The following PTPN13 variants were observed in gnomAD, a reference collection of about 807,000 sequenced individuals.
PTPN13 encodes tyrosine-protein phosphatase non-receptor type 13.
In PTPN13, 191 loss-of-function variants were observed where a neutral mutation model predicts 284.0. The ratio of observed to expected loss-of-function variants is 0.67; its 90% confidence interval spans 0.60 to 0.76. The LOEUF (loss-of-function observed/expected upper bound fraction) is 0.76, where lower values mean the gene tolerates loss of function less well. Ranked by LOEUF, PTPN13 falls within the 30% of genes least tolerant of loss-of-function variation. PTPN13 has a pLI of 0.00. For missense variants in PTPN13, 2,797 were observed against 2,939.9 expected (o/e 0.95, Z 1.12); for synonymous variants, 986 against 1,022.3 (o/e 0.96, Z 0.68).
At chr4:86,765,546 G>T in intron 26 of PTPN13, 58 bp downstream of exon 26, 1 of 1,234,602 alleles carries the variant, frequency 8.1e-7, no homozygotes, top group East Asian at 2.6e-5. Flanking sequence ...AAATAGATAA[G>T]AAATTATAAA....
rs192019302 is a variant in PTPN13, at chr4:86,809,257, T to G, written c.7084-512T>G. On this transcript the variant is annotated intron_variant, in intron 45 of 47. Transcript: ENST00000411767. ...GTTTTTAGGGTTTCCAAAAAGTAGT[T>G]TTTATCGATATTTAAAATGTGGATC... Among the ~76,000 whole-genome samples, 602 of 152,284 alleles carry G rather than the reference T, an allele frequency of 4.0e-3. 10 individuals are homozygous for G. Among genetic ancestry groups the G allele is most frequent in the Admixed American group, 0.034 (527 of 15,302 alleles).
intron 4 of PTPN13, among the ~76,000 whole-genome samples, chr4:86,686,987 T>C (rs565223336): frequency 6.6e-6 from 1 of 152,154 alleles, no homozygotes; most frequent in Non-Finnish European, 1.5e-5. Context: ...ATTCCTAGAA[T>C]TGTAGCAATC....
chr4:86,773,032 T>A, intron 32 of PTPN13, 74 bp downstream of exon 32: 3 of 1,146,804 alleles, frequency 2.6e-6, no homozygotes, highest in Non-Finnish European at 3.5e-6. Flanking sequence ...AGTTTCCCTT[T>A]AGGGAAAAAG....
In PTPN13 at chr4:86,785,335, G is replaced by A. The variant is rs764940015; in HGVS notation, c.6223G>A (p.Glu2075Lys). ...VDEEAQNLLNENNAAGYSCGP... is the reference protein window; with the variant it reads ...VDEEAQNLLNKNNAAGYSCGP... ...TGAGGAAGCCCAGAATCTTTTAAAC[G>A]AAAATAATGCAGCAGGATACTCCTG... The change falls in exon 39 of 48, where the codon GAA becomes AAA. Residue 2075 changes from glutamate to lysine, a missense_variant. Glu to Lys is a moderately conservative substitution (Grantham distance 56). Transcript: ENST00000411767. The A allele has an allele frequency of 8.7e-5, 140 of 1,610,562 alleles. No homozygotes were observed. Among genetic ancestry groups the A allele is most frequent in the Middle Eastern group, 3.3e-4 (2 of 6,078 alleles).
chr4:86,807,119 G>A (rs549887839), intron 44 of PTPN13, among the ~76,000 whole-genome samples: 2 of 152,076 alleles, frequency 1.3e-5, no homozygotes, highest in Non-Finnish European at 2.9e-5. Flanking sequence ...TAGTGTTATT[G>A]TAATACTAAA....
chr4:86,724,981 C>G (rs1734083695), intron 10 of PTPN13, among the ~76,000 whole-genome samples: 1 of 150,788 alleles, frequency 6.6e-6, no homozygotes, highest in African/African-American at 2.5e-5. Flanking sequence ...CCCCACCCCC[C>G]AACAGAACTT....
intron 36 of PTPN13, 89 bp from the exon 37 acceptor site, chr4:86,782,112 C>A (rs1741386562): frequency 2.2e-6 from 2 of 889,176 alleles, no homozygotes; most frequent in Non-Finnish European, 1.8e-6. Context: ...TAACAACATC[C>A]CAGAAATGTG....
rs543254859 is a variant in PTPN13, at chr4:86,777,425, C to T, written c.5891+1773C>T. 4.6e-5 allele frequency among the ~76,000 whole-genome samples: 7 copies of T among 152,194 alleles called. No homozygotes were observed. In the South Asian group the frequency reaches 1.5e-3, roughly 32 times the overall value. On this transcript the variant is annotated intron_variant, in intron 35 of 47. Coordinates refer to ENST00000411767, the MANE Select transcript of PTPN13 (RefSeq NM_080683.3). ...CCTCCCTCTTTCACTTATTAGGACC[C>T]CTGTGATTATAATGGGCCCACCCAG... is the stretch of plus-strand genomic sequence containing the variant.
intron 35 of PTPN13, among the ~76,000 whole-genome samples, chr4:86,779,619 G>A (rs972337209): frequency 6.6e-6 from 1 of 151,972 alleles, no homozygotes; most frequent in African/African-American, 2.4e-5. Context: ...CTTAAGAAAC[G>A]GCCCAGATAA....
intron 20 of PTPN13, among the ~76,000 whole-genome samples, chr4:86,753,813 C>A (rs1578580431): frequency 6.6e-6 from 1 of 151,932 alleles, no homozygotes; most frequent in East Asian, 1.9e-4. Flanking sequence ...TACTTTCCTC[C>A]AAAAATGTTT....
At chr4:86,686,533 T>G (rs1729479707) in intron 3 of PTPN13, among the ~76,000 whole-genome samples, 177 bp from the exon 4 acceptor site, 1 of 152,244 alleles carries the variant, frequency 6.6e-6, no homozygotes, top group African/African-American at 2.4e-5. Flanking sequence ...TGTAATAATT[T>G]CCAGTCTTGC....
intron 10 of PTPN13, 39 bp downstream of exon 10, chr4:86,722,473 T>C (rs1046650802): frequency 2.0e-6 from 3 of 1,535,490 alleles, no homozygotes; most frequent in Admixed American, 1.7e-5. Flanking sequence ...CTAAACCTGC[T>C]CTCACAGGGA....
intron 10 of PTPN13, among the ~76,000 whole-genome samples, chr4:86,724,333 A>G (rs1401199528): frequency 6.6e-6 from 1 of 152,210 alleles, no homozygotes; most frequent in Non-Finnish European, 1.5e-5. Flanking sequence ...ATAATAATTC[A>G]GTGAACAGCA....
chr4:86,654,340 A>G lies in PTPN13; in HGVS notation c.116-18025A>G, dbSNP rs1207183509. Reference sequence around the variant, plus strand: ...GACACAATAAAAAATGATAAAGGGGATATCACCACTGATCCCACAGAAATA... The same window carrying G: ...GACACAATAAAAAATGATAAAGGGGGTATCACCACTGATCCCACAGAAATA... On this transcript the variant is annotated intron_variant, in intron 2 of 47. Coordinates refer to ENST00000411767, the MANE Select transcript of PTPN13 (RefSeq NM_080683.3). Among the ~76,000 whole-genome samples, 21 of 152,212 alleles carry G rather than the reference A, an allele frequency of 1.4e-4. 1 individual carries two copies.
chr4:86,727,552 G>A (rs529139474), intron 10 of PTPN13, among the ~76,000 whole-genome samples: 2 of 149,540 alleles, frequency 1.3e-5, no homozygotes, highest in African/African-American at 4.9e-5. Context: ...GAGGGTGTAT[G>A]TGTCCAGGAA....
At chr4:86,614,756 A>G (rs1018241706) in intron 1 of PTPN13, among the ~76,000 whole-genome samples, 1 of 152,182 alleles carries the variant, frequency 6.6e-6, no homozygotes, top group Admixed American at 6.5e-5. Flanking sequence ...CCAGTAAAGT[A>G]TTGTTGATTT....
At chr4:86,666,009 T>G (rs995483211) in intron 2 of PTPN13, among the ~76,000 whole-genome samples, 1 of 152,186 alleles carries the variant, frequency 6.6e-6, no homozygotes, top group Non-Finnish European at 1.5e-5. Context: ...GGTTTTTGTT[T>G]TTTTCTTTAA....
At chr4:86,682,017 A>T (rs1728948901) in intron 3 of PTPN13, among the ~76,000 whole-genome samples, 1 of 152,252 alleles carries the variant, frequency 6.6e-6, no homozygotes, top group African/African-American at 2.4e-5. Context: ...CATTATGTAC[A>T]TGCTAGCTAT....
chr4:86,652,143 G>A (rs931970376), intron 2 of PTPN13, among the ~76,000 whole-genome samples: 2 of 151,900 alleles, frequency 1.3e-5, no homozygotes, highest in African/African-American at 4.8e-5. Flanking sequence ...TTGATCTTTT[G>A]TATTTTTTTA....
Sources: gnomAD v4.1 joint callset for allele counts (sites outside exome capture counted in the v4.1 genomes callset) on GRCh38, gnomAD v4.1.1 for gene constraint, MANE v1.5 for transcripts, NCBI Gene and HGNC (gene_info 2026-07-23, HGNC 2026-07-21) for gene names.